Variants in PAMR1 observed in about 807,000 individuals in gnomAD.
PAMR1 encodes inactive serine protease PAMR1.
PAMR1 carries 88 observed loss-of-function variants against 81.8 expected under a neutral mutation model. That is an observed-to-expected ratio of 1.08 (90% CI 0.91 to 1.28). The LOEUF is 1.28. Among genes scored for constraint, PAMR1 ranks in the 50% most tolerant of loss-of-function variants. The pLI, the probability that PAMR1 is intolerant of heterozygous loss-of-function variation, is 0.00. For missense variants in PAMR1, 935 were observed against 919.7 expected, an observed-to-expected ratio of 1.02 and a Z score of -0.21; for synonymous variants, 336 against 345.3, an observed-to-expected ratio of 0.97 and a Z score of 0.30.
chr11:35,464,742 T>C (rs1856727665), intron 6 of PAMR1, among the ~76,000 whole-genome samples: 1 of 152,214 alleles, frequency 6.6e-6, no homozygotes, highest in Non-Finnish European at 1.5e-5. Context: ...GGAACCAGGA[T>C]TGGCCAGGAA....
intron 3 of PAMR1, among the ~76,000 whole-genome samples, chr11:35,485,271 G>A (rs752764885): frequency 1.3e-5 from 2 of 152,098 alleles, no homozygotes; most frequent in Non-Finnish European, 2.9e-5. Context: ...AAATTCATGA[G>A]TCTTAAAGTG....
chr11:35,446,492 C>G (rs758017968), intron 6 of PAMR1, among the ~76,000 whole-genome samples: 1 of 152,178 alleles, frequency 6.6e-6, no homozygotes, highest in South Asian at 2.1e-4. Flanking sequence ...AAATTTTCCT[C>G]ATAACATTGC....
intron 5 of PAMR1, among the ~76,000 whole-genome samples, chr11:35,468,453 T>C (rs945976349): frequency 2.6e-5 from 4 of 152,182 alleles, no homozygotes; most frequent in Non-Finnish European, 4.4e-5. Context: ...AGAGACATCC[T>C]TGGGTAGCTG....
chr11:35,462,788 C>T lies in PAMR1; in HGVS notation c.820+5213G>A, dbSNP rs116872243. Among the ~76,000 whole-genome samples, 1,062 of 152,250 alleles carry T rather than the reference C, an allele frequency of 7.0e-3. 3 individuals are homozygous for T. Among genetic ancestry groups the T allele is most frequent in the Non-Finnish European group, 0.011 (774 of 68,024 alleles). ...TGAGGCTCATAGGAGCTAAATGACT[C>T]GCTCAAGACCACCTGACTAGTTAAT... On this transcript the variant is annotated intron_variant, in intron 6 of 10. Transcript: ENST00000619888.
intron 1 of PAMR1, among the ~76,000 whole-genome samples, chr11:35,517,167 G>A (rs772850304): frequency 6.6e-6 from 1 of 152,120 alleles, no homozygotes; most frequent in Non-Finnish European, 1.5e-5. Context: ...TTTGCCAAAT[G>A]ATCCAAGACC....
intron 6 of PAMR1, among the ~76,000 whole-genome samples, chr11:35,450,799 A>G (rs753659797): frequency 1.9e-4 from 29 of 152,256 alleles, no homozygotes; most frequent in Non-Finnish European, 3.8e-4. Context: ...ATTCCCATAT[A>G]GCAATAATCA....
chr11:35,512,489 T>G (rs1851091250), intron 1 of PAMR1, among the ~76,000 whole-genome samples: 1 of 152,022 alleles, frequency 6.6e-6, no homozygotes. Flanking sequence ...TTCCTGAGAG[T>G]TCATGCCTCT....
chr11:35,448,832 C>A (rs1030574525), intron 6 of PAMR1, among the ~76,000 whole-genome samples: 3 of 152,094 alleles, frequency 2.0e-5, no homozygotes, highest in African/African-American at 7.2e-5. Flanking sequence ...TTTGTGGGGT[C>A]TTTTTTGTTG....
At position 35,433,883 on chromosome 11, in the gene PAMR1, G is replaced by C. The variant is rs552197238; in HGVS notation, c.1626+629C>G. Among the ~76,000 whole-genome samples, 38 of 152,216 alleles carry C rather than the reference G, an allele frequency of 2.5e-4. 2 individuals carry two copies. The South Asian group carries it at 6.4e-3, about 26-fold the overall frequency. On this transcript the variant is annotated intron_variant, in intron 10 of 10. Coordinates refer to ENST00000619888, the MANE Select transcript of PAMR1 (RefSeq NM_001001991.3). ...AGATGGAGGGATGGATGAAAAGATA[G>C]ATGGATAGACAGATGGGTGGGGGAA...
intron 1 of PAMR1, among the ~76,000 whole-genome samples, chr11:35,499,922 G>A (rs1022987996): frequency 2.0e-5 from 3 of 152,186 alleles, no homozygotes; most frequent in Non-Finnish European, 2.9e-5. Flanking sequence ...AAGGCCCCCC[G>A]TAAGAGGGAG....
intron 1 of PAMR1, among the ~76,000 whole-genome samples, chr11:35,504,318 T>C (rs1337507538): frequency 3.9e-5 from 6 of 152,178 alleles, no homozygotes; most frequent in Non-Finnish European, 7.4e-5. Flanking sequence ...TCATCAGTGA[T>C]ATTCGCCTCT....
intron 6 of PAMR1, among the ~76,000 whole-genome samples, chr11:35,445,513 G>T (rs2210627): frequency 0.37 from 55,647 of 151,922 alleles, 10,542 homozygotes; most frequent in African/African-American, 0.46. Flanking sequence ...GTATGTTCCT[G>T]CTTTACCTAG....
chr11:35,518,130 C>T (rs570707576), intron 1 of PAMR1, among the ~76,000 whole-genome samples: 15 of 152,242 alleles, frequency 9.9e-5, no homozygotes, highest in African/African-American at 3.1e-4. Flanking sequence ...GGAGGCTGAA[C>T]ACCATTGAGA....
intron 1 of PAMR1, among the ~76,000 whole-genome samples, chr11:35,502,673 C>T (rs1207485894): frequency 2.0e-5 from 3 of 152,010 alleles, no homozygotes; most frequent in Non-Finnish European, 4.4e-5. Context: ...ATGGTTTTGC[C>T]CATTTTTAAA....
intron 6 of PAMR1, 107 bp from the exon 7 acceptor site, chr11:35,441,800 C>G: frequency 1.5e-6 from 1 of 678,594 alleles, no homozygotes; most frequent in Non-Finnish European, 2.4e-6. Context: ...GATATAGGAT[C>G]TGGTGCTCAA....
At chr11:35,486,266 C>T (rs761704627) in intron 3 of PAMR1, among the ~76,000 whole-genome samples, 27 of 152,280 alleles carry the variant, frequency 1.8e-4, no homozygotes, top group Non-Finnish European at 3.8e-4. Context: ...ACAAGCATAA[C>T]GTAATTGAAC....
chr11:35,526,313 T>C (rs564682763), upstream of PAMR1, among the ~76,000 whole-genome samples: 7 of 152,330 alleles, frequency 4.6e-5, no homozygotes, highest in South Asian at 1.0e-3. Context: ...CCTCTTCCTG[T>C]GATCCCCACG....
intron 6 of PAMR1, among the ~76,000 whole-genome samples, chr11:35,463,816 T>A (rs1856709004): frequency 1.3e-5 from 2 of 152,212 alleles, no homozygotes; most frequent in Admixed American, 1.3e-4. Context: ...CTCTCACACC[T>A]TCTTGACAGC....
In PAMR1 at chr11:35,441,610, C is replaced by T. The variant is rs374907179; in HGVS notation, c.904G>A (p.Gly302Arg). ...ACGGTGCCAATTTTAGCATGGCGTCCGTTGATAAGCCCAGGGCCCCCTGTT... is the reference window on the plus strand; with the variant it reads ...ACGGTGCCAATTTTAGCATGGCGTCTGTTGATAAGCCCAGGGCCCCCTGTT... ...KITGGPGLINGRHAKIGTVVS... is the reference protein window; with the variant it reads ...KITGGPGLINRRHAKIGTVVS... The change falls in exon 7 of 11, where the codon GGA becomes AGA. Residue 302 changes from glycine (G) to arginine (R), a missense_variant. Gly to Arg is a moderately radical substitution (Grantham distance 125). Coordinates refer to ENST00000619888, the MANE Select transcript of PAMR1 (RefSeq NM_001001991.3). 5.0e-5 allele frequency: 81 copies of T among 1,613,876 alleles called. No homozygotes were observed. The highest frequency in any genetic ancestry group is 1.6e-4 in the Middle Eastern group (1 of 6,070).
Sources: gnomAD v4.1 joint callset for allele counts (sites outside exome capture counted in the v4.1 genomes callset) on GRCh38, gnomAD v4.1.1 for gene constraint, MANE v1.5 for transcripts, NCBI Gene and HGNC (gene_info 2026-07-23, HGNC 2026-07-21) for gene names.